DMRT1: variants seen among roughly 807,000 people sequenced by gnomAD.
DMRT1 encodes doublesex and mab-3 related transcription factor 1.
Under a neutral mutation model 32.3 loss-of-function variants are expected in DMRT1, and 7 were observed. That is an observed-to-expected ratio of 0.22 (90% CI 0.12 to 0.41). The LOEUF (loss-of-function observed/expected upper bound fraction) is 0.41, where lower values mean the gene tolerates loss of function less well. Among genes scored for constraint, DMRT1 ranks in the 10% least tolerant of loss-of-function variants. DMRT1 has a pLI of 1.00. For synonymous variants in DMRT1, 278 were observed against 206.1 expected, an observed-to-expected ratio of 1.35 and a Z score of -2.99; for missense variants, 625 against 500.5, an observed-to-expected ratio of 1.25 and a Z score of -2.37.
chr9:864,712 G>A (rs1051905655), intron 2 of DMRT1, among the ~76,000 whole-genome samples: 10 of 150,398 alleles, frequency 6.6e-5, no homozygotes, highest in Admixed American at 2.6e-4. Context: ...ATGTTAGCCA[G>A]GATGGTCTCC....
At chr9:908,543 A>G (rs921309596) in intron 3 of DMRT1, among the ~76,000 whole-genome samples, 1 of 151,814 alleles carries the variant, frequency 6.6e-6, no homozygotes, top group Non-Finnish European at 1.5e-5. Flanking sequence ...GGCTTGCTTT[A>G]TATCCTTGTG....
Position 965,269 on chromosome 9 carries a change from G to A in DMRT1, c.968-2716G>A, listed in dbSNP as rs901111757. Among the ~76,000 whole-genome samples the A allele has an allele frequency of 6.6e-6, 1 of 152,150 alleles. No homozygotes were observed. Among genetic ancestry groups the A allele is most frequent in the Non-Finnish European group, 1.5e-5 (1 of 68,022 alleles). ...CAACAGCCTATTATTTAAAAACAAT[G>A]CTAAGCCTTGAACAAATGTAAAAAT... On this transcript the variant is annotated intron_variant, in intron 4 of 4. Coordinates refer to ENST00000382276, the MANE Select transcript of DMRT1 (RefSeq NM_021951.3). This position sits in a 1 kb window ranked among gnomAD's most constrained non-coding sequence, Gnocchi z 4.5.
intron 4 of DMRT1, among the ~76,000 whole-genome samples, chr9:944,891 A>G (rs536572702): frequency 4.3e-4 from 66 of 152,082 alleles, no homozygotes; most frequent in African/African-American, 1.5e-3. Flanking sequence ...GCACATGACC[A>G]CCTACAAAGT....
chr9:927,359 A>G (rs897321319), intron 4 of DMRT1, among the ~76,000 whole-genome samples: 1 of 152,232 alleles, frequency 6.6e-6, no homozygotes, highest in Non-Finnish European at 1.5e-5. Flanking sequence ...GTTCTTCATA[A>G]AAACCAGCTC....
rs201281456 is a variant in DMRT1, at chr9:913,565, G to C, written c.823-3198G>C. On this transcript the variant is annotated intron_variant, in intron 3 of 4. Transcript: ENST00000382276. ...TACATAGTTTCACTTTTCCAGTTCAGCTGGAAACTGGATGGTTGTAAGCAA... is the reference window on the plus strand; with the variant it reads ...TACATAGTTTCACTTTTCCAGTTCACCTGGAAACTGGATGGTTGTAAGCAA... Among the ~76,000 whole-genome samples the C allele has an allele frequency of 2.6e-5, 4 of 151,796 alleles. No homozygotes were observed. In the East Asian group the frequency reaches 7.7e-4, roughly 29 times the overall value.
At chr9:844,485 G>C (rs1272957274) in intron 1 of DMRT1, among the ~76,000 whole-genome samples, 2 of 141,132 alleles carry the variant, frequency 1.4e-5, no homozygotes, top group Non-Finnish European at 2.9e-5. Flanking sequence ...ACTTGTTTCT[G>C]GCCAGATTCA....
At chr9:904,132 A>C (rs1817685930) in intron 3 of DMRT1, among the ~76,000 whole-genome samples, 1 of 152,220 alleles carries the variant, frequency 6.6e-6, no homozygotes, top group African/African-American at 2.4e-5. Context: ...AGGTTAGTAA[A>C]TAATATAGTC....
chr9:889,119 C>A (rs1233452747), intron 2 of DMRT1, among the ~76,000 whole-genome samples: 1 of 152,044 alleles, frequency 6.6e-6, no homozygotes, highest in Non-Finnish European at 1.5e-5. Context: ...ATTCAGGGAC[C>A]ACACTGTGCG....
At chr9:907,607 C>A (rs953296158) in intron 3 of DMRT1, among the ~76,000 whole-genome samples, 1 of 152,174 alleles carries the variant, frequency 6.6e-6, no homozygotes, top group Admixed American at 6.5e-5. Flanking sequence ...CTGATTTATA[C>A]GTTGGTGTCT....
intron 2 of DMRT1, among the ~76,000 whole-genome samples, chr9:877,481 G>A (rs1816552750): frequency 1.3e-5 from 2 of 152,150 alleles, no homozygotes; most frequent in Non-Finnish European, 2.9e-5. Flanking sequence ...ATGTTGAAAA[G>A]CAAGCTAAAT....
At chr9:927,477 G>T (rs930585856) in intron 4 of DMRT1, among the ~76,000 whole-genome samples, 1 of 152,178 alleles carries the variant, frequency 6.6e-6, no homozygotes, top group Admixed American at 6.5e-5. Flanking sequence ...ATTGCCCGGC[G>T]CGGTGGCGTT....
chr9:899,617 A>T (rs954683627), intron 3 of DMRT1, among the ~76,000 whole-genome samples: 8 of 152,204 alleles, frequency 5.3e-5, no homozygotes, highest in African/African-American at 1.9e-4. Flanking sequence ...GAACAAACTC[A>T]CAATGAATGG....
chr9:846,279 C>T (rs1838901332), intron 1 of DMRT1, among the ~76,000 whole-genome samples: 1 of 152,050 alleles, frequency 6.6e-6, no homozygotes, highest in African/African-American at 2.4e-5. Context: ...GTGATCGGCC[C>T]ACCTCTGCCT....
At chr9:891,091 G>C (rs995598303) in intron 2 of DMRT1, among the ~76,000 whole-genome samples, 1 of 151,818 alleles carries the variant, frequency 6.6e-6, no homozygotes, top group Admixed American at 6.6e-5. Flanking sequence ...TGTAATCGTA[G>C]CACTTTGGGA....
intron 2 of DMRT1, among the ~76,000 whole-genome samples, chr9:855,718 C>T (rs1408541443): frequency 6.6e-6 from 1 of 152,228 alleles, no homozygotes; most frequent in African/African-American, 2.4e-5. Context: ...CTCCTGGGCT[C>T]AGCAATTCTT....
chr9:872,921 T>C (rs1175503428), intron 2 of DMRT1, among the ~76,000 whole-genome samples: 1 of 152,208 alleles, frequency 6.6e-6, no homozygotes, highest in Non-Finnish European at 1.5e-5. Context: ...AATTTGTTCA[T>C]CTGGGCCAGC....
chr9:921,504 T>A (rs1352140749), intron 4 of DMRT1, among the ~76,000 whole-genome samples: 1 of 152,192 alleles, frequency 6.6e-6, no homozygotes, highest in African/African-American at 2.4e-5. Flanking sequence ...TCTGGGTGTA[T>A]GCCTAGAAGT....
chr9:903,549 G>A lies in DMRT1; in HGVS notation c.822+9354G>A, dbSNP rs115972690. Among the ~76,000 whole-genome samples, 270 of 152,290 alleles carry A rather than the reference G, an allele frequency of 1.8e-3. 1 individual carries two copies. Among genetic ancestry groups the A allele is most frequent in the African/African-American group, 6.1e-3 (252 of 41,556 alleles). Reference sequence around the variant, plus strand: ...GTTGTTTGTAAGAACTGGTGCCTGCGATGACAATTTTCCCAGTGGCTCTTT... The same window carrying A: ...GTTGTTTGTAAGAACTGGTGCCTGCAATGACAATTTTCCCAGTGGCTCTTT... On this transcript the variant is annotated intron_variant, in intron 3 of 4. Coordinates refer to ENST00000382276, the MANE Select transcript of DMRT1 (RefSeq NM_021951.3).
intron 3 of DMRT1, among the ~76,000 whole-genome samples, chr9:916,078 C>T (rs1323634474): frequency 6.6e-6 from 1 of 152,106 alleles, no homozygotes; most frequent in African/African-American, 2.4e-5. Context: ...TGTAAGGTAA[C>T]CAAGATAAAA....
Sources: allele counts gnomAD v4.1 joint callset (sites outside exome capture counted in the v4.1 genomes callset), GRCh38; gene constraint gnomAD v4.1.1; non-coding constraint Gnocchi (gnomAD v3.1); transcripts MANE v1.5; gene names NCBI Gene and HGNC (gene_info 2026-07-23, HGNC 2026-07-21).